Variants in SP3 observed in about 807,000 individuals in gnomAD.
SP3 encodes the protein transcription factor Sp3.
A neutral mutation model predicts 70.3 loss-of-function variants in SP3; 10 were observed. The ratio of observed to expected loss-of-function variants is 0.14; its 90% CI spans 0.09 to 0.24. The LOEUF (loss-of-function observed/expected upper bound fraction) is 0.24, where lower values mean the gene tolerates loss of function less well. Among genes scored for constraint, SP3 ranks in the 10% least tolerant of loss-of-function variants. The pLI is 1.00. For missense variants in SP3, 825 were observed against 914.6 expected (o/e 0.90, Z 1.26); for synonymous variants, 402 against 333.5 (o/e 1.21, Z -2.24).
At chr2:173,933,883 G>C (rs1291300364) in intron 4 of SP3, among the ~76,000 whole-genome samples, 1 of 151,688 alleles carries the variant, frequency 6.6e-6, no homozygotes, top group Non-Finnish European at 1.5e-5. Flanking sequence ...TCTTTACCAT[G>C]GAACATCATT....
chr2:173,964,147 C>T (rs975816984), intron 2 of SP3: 50 of 378,978 alleles, frequency 1.3e-4, no homozygotes, highest in African/African-American at 8.9e-4. Context: ...GCCTTCCGCC[C>T]GGAACCCACC....
rs1690890828 is a variant in SP3, at chr2:173,956,255, T to TGATA, written c.280-27_280-24dup. On this transcript the variant is annotated intron_variant, in intron 3 of 6. Coordinates refer to ENST00000310015, the MANE Select transcript of SP3 (RefSeq NM_003111.5). ...TGTCTGGATGAAGAAAACAAAAAGG[T>TGATA]GATATATTTGTGGTATATTTAAATC... The TGATA allele has an allele frequency of 3.9e-6, 6 of 1,547,538 alleles. No homozygotes were observed. In the Admixed American group the frequency reaches 8.2e-5, roughly 21 times the overall value.
chr2:173,947,962 T>C lies in SP3; in HGVS notation c.1639+6911A>G, dbSNP rs556477966. 3.3e-5 allele frequency among the ~76,000 whole-genome samples: 5 copies of C among 152,258 alleles called. No homozygotes were observed. In the South Asian group the frequency reaches 6.2e-4, roughly 19 times the overall value. On this transcript the variant is annotated intron_variant, in intron 4 of 6. Transcript: ENST00000310015. The stretch of plus-strand genomic sequence containing the variant: ...TGGTGGTCGTAAGACTGTGCTGATG[T>C]CCTCCTATTTTCCTGCATCATCGTC...
chr2:173,919,922 T>C (rs1386337920), intron 4 of SP3, among the ~76,000 whole-genome samples: 1 of 152,164 alleles, frequency 6.6e-6, no homozygotes, highest in Non-Finnish European at 1.5e-5. Context: ...AGCAATGTTA[T>C]TTGTAATCAC....
intron 6 of SP3, among the ~76,000 whole-genome samples, chr2:173,912,750 G>C (rs1689523194): frequency 6.6e-6 from 1 of 152,146 alleles, no homozygotes; most frequent in Non-Finnish European, 1.5e-5. Context: ...AAATAGGATA[G>C]ATCAAGAGTA....
Position 173,955,411 on chromosome 2 carries a change from A to C in SP3, c.1101T>G (p.Asp367Glu). ...GCGACTGGATATAATTTCCCTGAAGATCTGAAGAATGAACCTGCCCACTAG... is the reference window on the plus strand; with the variant it reads ...GCGACTGGATATAATTTCCCTGAAGCTCTGAAGAATGAACCTGCCCACTAG... ...TTSSGQVHSSDLQGNYIQSPV... is the reference protein window; with the variant it reads ...TTSSGQVHSSELQGNYIQSPV... Residue 367 changes from aspartate (D) to glutamate (E), a missense_variant, in exon 4 of 7, where the codon GAT becomes GAG. Asp to Glu is a conservative substitution (Grantham distance 45). Transcript: ENST00000310015. 2 of 1,614,106 alleles carry C rather than the reference A, an allele frequency of 1.2e-6. No individual in the cohort carries two copies. The highest frequency in any genetic ancestry group is 1.7e-6 in the Non-Finnish European group (2 of 1,180,018).
chr2:173,932,519 C>A (rs1453967577), intron 4 of SP3, among the ~76,000 whole-genome samples: 1 of 151,868 alleles, frequency 6.6e-6, no homozygotes, highest in Non-Finnish European at 1.5e-5. Context: ...TGTTGTGTCT[C>A]AGGGAGGAGG....
chr2:173,924,799 T>C (rs555428109), intron 4 of SP3, among the ~76,000 whole-genome samples: 9 of 152,346 alleles, frequency 5.9e-5, no homozygotes, highest in South Asian at 2.1e-4. Context: ...TATATAAATA[T>C]ATGCAATTTT....
At position 173,902,518 on chromosome 2, in the gene SP3, G is replaced by A. The variant is rs1424021694; in HGVS notation, c.*7423C>T. ...TGCTCACATGTACACAAGGAAATAT[G>A]TCAATTATTTCATTGCAGCATTGTT... On this transcript the variant is annotated 3_prime_UTR_variant, in exon 7 of 7. Coordinates refer to ENST00000310015, the MANE Select transcript of SP3 (RefSeq NM_003111.5). 6.6e-6 allele frequency among the ~76,000 whole-genome samples: 1 copy of A among 152,180 alleles called. No homozygotes were observed. The highest frequency in any genetic ancestry group is 2.4e-5 in the African/African-American group (1 of 41,416).
intron 4 of SP3, among the ~76,000 whole-genome samples, chr2:173,944,618 G>A (rs1028016588): frequency 1.3e-5 from 2 of 152,122 alleles, no homozygotes; most frequent in African/African-American, 4.8e-5. Context: ...TTCTTCTCTT[G>A]GAATAAAATA....
Position 173,965,228 on chromosome 2 carries a change from C to A in SP3, c.-57G>T. 1 of 1,541,300 alleles carries A rather than the reference C, an allele frequency of 6.5e-7. No individual in the cohort carries two copies. Among genetic ancestry groups the A allele is most frequent in the Non-Finnish European group, 8.8e-7 (1 of 1,141,694 alleles). ...CCGCCGCCTTACACATGGTGAGGAG[C>A]GAAGGCGGCGGCGGCGGGAGAGGAT... is the stretch of plus-strand genomic sequence containing the variant. On this transcript the variant is annotated 5_prime_UTR_variant, in exon 1 of 7. Coordinates refer to ENST00000310015, the MANE Select transcript of SP3 (RefSeq NM_003111.5).
At chr2:173,957,571 T>C (rs568665294) in intron 3 of SP3, among the ~76,000 whole-genome samples, 3 of 152,258 alleles carry the variant, frequency 2.0e-5, no homozygotes, top group South Asian at 2.1e-4. Flanking sequence ...CTCATATTCA[T>C]AGAGGAAAGT....
chr2:173,933,590 A>G (rs1364598533), intron 4 of SP3, among the ~76,000 whole-genome samples: 1 of 147,324 alleles, frequency 6.8e-6, no homozygotes, highest in African/African-American at 2.5e-5. Flanking sequence ...CATGAAGAGA[A>G]CCAGAAATAT....
At chr2:173,925,610 G>C (rs2105466683) in intron 4 of SP3, among the ~76,000 whole-genome samples, 1 of 152,220 alleles carries the variant, frequency 6.6e-6, no homozygotes, top group South Asian at 2.1e-4. Flanking sequence ...AATCTTCCCT[G>C]TTGTCCCACT....
rs1305780600 is a variant in SP3 at position 173,907,050 on chromosome 2, G to C, written c.*2891C>G. On this transcript the variant is annotated 3_prime_UTR_variant, in exon 7 of 7. Coordinates refer to ENST00000310015, the MANE Select transcript of SP3 (RefSeq NM_003111.5). ...CAGGGCATCTGACTTTCTGCGGTAG[G>C]TGTAGCTCCTTTAAAAGGTTATGTG... 1 of 152,124 alleles carries C rather than the reference G, an allele frequency of 6.6e-6. No homozygotes were observed. Among genetic ancestry groups the C allele is most frequent in the East Asian group, 1.9e-4 (1 of 5,200 alleles). The allele number at this position is 152,124 out of a possible 1,614,324, so 9.4% of individuals were successfully genotyped here. A position where few individuals can be genotyped will look rare whatever the true frequency, so the allele number is the denominator to read the frequency against.
intron 4 of SP3, among the ~76,000 whole-genome samples, chr2:173,932,238 C>G (rs563101189): frequency 6.6e-6 from 1 of 152,206 alleles, no homozygotes; most frequent in African/African-American, 2.4e-5. Context: ...TTTGCCCAGG[C>G]TGGAGTACAA....
chr2:173,921,510 A>G (rs922453780), intron 4 of SP3, among the ~76,000 whole-genome samples: 4 of 149,634 alleles, frequency 2.7e-5, no homozygotes, highest in Non-Finnish European at 5.9e-5. Flanking sequence ...GCCAAGAGAG[A>G]GCGGTCCCGT....
Position 173,902,416 on chromosome 2 carries a change from G to C in SP3, c.*7525C>G, listed in dbSNP as rs1049584897. Among the ~76,000 whole-genome samples the C allele has an allele frequency of 6.6e-6, 1 of 152,174 alleles. No homozygotes were observed. Among genetic ancestry groups the C allele is most frequent in the African/African-American group, 2.4e-5 (1 of 41,446 alleles). ...TATGCATGTTATGGAGATCAATTTG[G>C]AAGTATCTGGTGAAACTGAAGATTA... is the stretch of plus-strand genomic sequence containing the variant. On this transcript the variant is annotated 3_prime_UTR_variant, in exon 7 of 7. Transcript: ENST00000310015.
rs374676987 is a variant in SP3, at chr2:173,919,319, T to C, written c.1640-534A>G. Among the ~76,000 whole-genome samples the C allele has an allele frequency of 2.0e-5, 3 of 152,350 alleles. No individual in the cohort carries two copies. The South Asian group carries it at 6.2e-4, about 32-fold the overall frequency. On this transcript the variant is annotated intron_variant, in intron 4 of 6. Transcript: ENST00000310015. The stretch of plus-strand genomic sequence containing the variant: ...GCACTCATTCATACACATCTGGGTA[T>C]ACTTTCAAATTCTCACCATAAAATC...
Sources: gnomAD v4.1 joint callset for allele counts (sites outside exome capture counted in the v4.1 genomes callset) on GRCh38, gnomAD v4.1.1 for gene constraint, MANE v1.5 for transcripts, NCBI Gene and HGNC (gene_info 2026-07-23, HGNC 2026-07-21) for gene names.